TBC1D31: variants seen among roughly 807,000 people sequenced by gnomAD.
The protein encoded by TBC1D31 is WD repeat domain 67.
A neutral mutation model predicts 132.9 loss-of-function variants in TBC1D31; 99 were observed. The ratio of observed to expected loss-of-function variants is 0.74; its 90% CI spans 0.63 to 0.88. TBC1D31 has a LOEUF of 0.88. TBC1D31 is among the 40% of genes least tolerant of loss of function. The pLI, the probability that TBC1D31 is intolerant of heterozygous loss-of-function variation, is 0.00. For missense variants in TBC1D31, 1,134 were observed against 1,256.6 expected (o/e 0.90, Z 1.48); for synonymous variants, 385 against 419.4 (o/e 0.92, Z 1.00).
downstream of TBC1D31, among the ~76,000 whole-genome samples, chr8:123,152,773 G>T (rs1218109543): frequency 6.6e-6 from 1 of 152,066 alleles, no homozygotes; most frequent in Non-Finnish European, 1.5e-5. Flanking sequence ...TGGAAGGCAG[G>T]GGGAGGGGAA....
chr8:123,146,767 C>G (rs987530386), intron 20 of TBC1D31, among the ~76,000 whole-genome samples: 1 of 152,024 alleles, frequency 6.6e-6, no homozygotes, highest in African/African-American at 2.4e-5. Context: ...TTACTGCAAC[C>G]TCTGCCTCCT....
At chr8:123,075,477 G>A (rs1814405661) in intron 1 of TBC1D31, among the ~76,000 whole-genome samples, 2 of 152,204 alleles carry the variant, frequency 1.3e-5, no homozygotes, top group South Asian at 4.1e-4. Context: ...GCCAAGGTGG[G>A]AGGATCACGA....
chr8:123,147,051 G>T (rs1156324264), intron 20 of TBC1D31, among the ~76,000 whole-genome samples: 1 of 152,146 alleles, frequency 6.6e-6, no homozygotes, highest in Non-Finnish European at 1.5e-5. Context: ...ACTTCAGGGA[G>T]GTGGAGAGGA....
intron 1 of TBC1D31, chr8:123,073,534 C>T (rs1586523703): frequency 2.7e-6 from 1 of 376,586 alleles, no homozygotes; most frequent in East Asian, 7.4e-5. Flanking sequence ...GTTTGAGGCT[C>T]AGCCTGTCTT....
chr8:123,075,154 G>T (rs959333642), intron 1 of TBC1D31: 7 of 152,086 alleles, frequency 4.6e-5, no homozygotes, highest in African/African-American at 1.4e-4. Context: ...TAAGACTGGA[G>T]GAAAAAGTTG....
At chr8:123,152,216 G>T (rs1433219762), downstream of TBC1D31, 2 of 259,038 alleles carry the variant, frequency 7.7e-6, no homozygotes, top group Non-Finnish European at 7.1e-6. Flanking sequence ...GTTGATAAAG[G>T]TTTATCTTAA....
chr8:123,146,701 T>A (rs1822244883), intron 20 of TBC1D31, among the ~76,000 whole-genome samples: 1 of 151,926 alleles, frequency 6.6e-6, no homozygotes, highest in South Asian at 2.1e-4. Context: ...TTTTTTTTTT[T>A]AAAGACAGAA....
At chr8:123,107,358 C>A (rs1818029371) in intron 8 of TBC1D31, among the ~76,000 whole-genome samples, 1 of 152,220 alleles carries the variant, frequency 6.6e-6, no homozygotes, top group Non-Finnish European at 1.5e-5. Flanking sequence ...TATCCCCCAT[C>A]ACATTTTTCT....
chr8:123,088,201 AATAC>A (rs1815975508), intron 4 of TBC1D31, among the ~76,000 whole-genome samples: 1 of 152,036 alleles, frequency 6.6e-6, no homozygotes, highest in African/African-American at 2.4e-5. Context: ...AAAAAAAAAA[AATAC>A]AATACAATAA....
At chr8:123,161,400 G>A in the TBC1D31 span, among the ~76,000 whole-genome samples, 2 of 152,214 alleles carry the variant, frequency 1.3e-5, no homozygotes, top group Admixed American at 1.3e-4. Context: ...TGCCGGCGGT[G>A]GCTGATTTAC....
chr8:123,144,595 T>G, intron 19 of TBC1D31, 122 bp from the exon 20 acceptor site: 1 of 961,136 alleles, frequency 1.0e-6, no homozygotes. Context: ...ACCAAACAGA[T>G]CCTACTTGCC....
rs1012091531 is a variant in TBC1D31, at chr8:123,100,693, T to TAC, written c.832-104_832-103dup. 5 of 679,238 alleles carry TAC rather than the reference T, an allele frequency of 7.4e-6. No individual in the cohort carries two copies. The East Asian group carries it at 8.2e-5, about 11-fold the overall frequency. 42.1% of individuals were successfully genotyped at this position (679,238 alleles called of 1,614,324 possible). The stretch of plus-strand genomic sequence containing the variant: ...ATATTTATACACACATACACACATA[T>TAC]ACACACACACATACATACACAAACG... On this transcript the variant is annotated intron_variant, in intron 6 of 21. Transcript: ENST00000287380.
intron 16 of TBC1D31, 35 bp from the exon 17 acceptor site, chr8:123,134,079 C>A (rs768280123): frequency 2.0e-6 from 3 of 1,477,446 alleles, no homozygotes; most frequent in Non-Finnish European, 2.8e-6. Context: ...TTTGTAAATT[C>A]TTTTTGGTAT....
At chr8:123,143,263 G>C (rs369527001) in intron 19 of TBC1D31, among the ~76,000 whole-genome samples, 2 of 152,110 alleles carry the variant, frequency 1.3e-5, no homozygotes, top group African/African-American at 2.4e-5. Context: ...GTCAGCAAAG[G>C]ATGCTGAGAA....
At chr8:123,121,415 C>G (rs1819473024) in intron 11 of TBC1D31, among the ~76,000 whole-genome samples, 1 of 152,166 alleles carries the variant, frequency 6.6e-6, no homozygotes, top group Non-Finnish European at 1.5e-5. Context: ...TGTGTCCTCT[C>G]CAAATGTCGT....
rs771252946 is a variant in TBC1D31 at position 123,126,184 on chromosome 8, TC to T, written c.1702del (p.Gln568SerfsTer16). On this transcript the variant is annotated frameshift_variant, in exon 12 of 22. Coordinates refer to ENST00000287380, the MANE Select transcript of TBC1D31 (RefSeq NM_145647.4). LOFTEE classifies it high-confidence loss of function. ...LQHFIDHDIT[S>X]QLYAWPLLET... ...ACACTTCATAGATCATGATATAACC[TC>T]CCAGGTAAGAAGCATAAGGTTTTTA... 8.1e-6 allele frequency: 13 copies of T among 1,606,832 alleles called. No individual in the cohort carries two copies. The highest frequency in any genetic ancestry group is 1.1e-5 in the Non-Finnish European group (13 of 1,177,796).
intron 19 of TBC1D31, 152 bp from the exon 20 acceptor site, chr8:123,144,565 G>A: frequency 1.4e-6 from 1 of 728,774 alleles, no homozygotes; most frequent in Non-Finnish European, 2.1e-6. Flanking sequence ...GGCCAACACA[G>A]GCACCCCAGT....
intron 13 of TBC1D31, 75 bp downstream of exon 13, chr8:123,126,762 GACA>G (rs1820082679): frequency 8.6e-6 from 12 of 1,387,412 alleles, no homozygotes; most frequent in Non-Finnish European, 1.2e-5. Context: ...AATTTTTTGA[GACA>G]GAGTCTCGCT....
At chr8:123,157,176 A>G in the TBC1D31 span, among the ~76,000 whole-genome samples, 1 of 152,218 alleles carries the variant, frequency 6.6e-6, no homozygotes, top group East Asian at 1.9e-4. Flanking sequence ...GACTTTGACA[A>G]GCAAACAACG....
Sources: gnomAD v4.1 joint callset for allele counts (sites outside exome capture counted in the v4.1 genomes callset) on GRCh38, gnomAD v4.1.1 for gene constraint, MANE v1.5 for transcripts, NCBI Gene and HGNC (gene_info 2026-07-23, HGNC 2026-07-21) for gene names.